ZZZ3: variants seen among roughly 807,000 people sequenced by gnomAD.
The protein encoded by ZZZ3 is ZZ-type zinc finger-containing protein 3.
A neutral mutation model predicts 95.2 loss-of-function variants in ZZZ3; 22 were observed. That is an observed-to-expected ratio of 0.23 (90% confidence interval 0.17 to 0.33). The LOEUF (loss-of-function observed/expected upper bound fraction) is 0.33, where lower values mean the gene tolerates loss of function less well. ZZZ3 is among the 10% of genes least tolerant of loss of function. ZZZ3 has a pLI of 1.00. For synonymous variants in ZZZ3, 335 were observed against 358.9 expected (o/e 0.93, Z 0.75); for missense variants, 885 against 1,066.5 (o/e 0.83, Z 2.37).
At position 77,571,016 on chromosome 1, in the gene ZZZ3, T is replaced by C. The variant is rs185882513; in HGVS notation, c.2332-2550A>G. Among the ~76,000 whole-genome samples the C allele has an allele frequency of 4.9e-3, 738 of 152,090 alleles. 4 individuals carry two copies. Among genetic ancestry groups the C allele is most frequent in the Middle Eastern group, 0.014 (4 of 294 alleles). Reference sequence around the variant, plus strand: ...GTCAACTAAAGATGTTTGATGATTGTTATTACCATACTATGTCACCACTGA... The same window carrying C: ...GTCAACTAAAGATGTTTGATGATTGCTATTACCATACTATGTCACCACTGA... On this transcript the variant is annotated intron_variant, in intron 12 of 14. Coordinates refer to ENST00000370801, the MANE Select transcript of ZZZ3 (RefSeq NM_015534.6).
intron 1 of ZZZ3, among the ~76,000 whole-genome samples, chr1:77,657,900 T>C (rs889003715): frequency 1.3e-5 from 2 of 151,348 alleles, no homozygotes; most frequent in African/African-American, 4.9e-5. Context: ...AGTGTAGGTC[T>C]GGGTGCGGTG....
chr1:77,598,766 G>A (rs1664451454), intron 5 of ZZZ3, among the ~76,000 whole-genome samples: 1 of 152,204 alleles, frequency 6.6e-6, no homozygotes, highest in Middle Eastern at 3.4e-3. Context: ...AGATTTATTC[G>A]AAATACCTTT....
At chr1:77,584,740 T>G in intron 5 of ZZZ3, 85 bp from the exon 6 acceptor site, 1 of 1,108,548 alleles carries the variant, frequency 9.0e-7, no homozygotes, top group African/African-American at 1.6e-5. Context: ...GATCTACTAT[T>G]AAGTCACACA....
chr1:77,650,667 A>G (rs1033453666), intron 1 of ZZZ3, among the ~76,000 whole-genome samples: 13 of 145,958 alleles, frequency 8.9e-5, no homozygotes, highest in Middle Eastern at 3.5e-3. Flanking sequence ...AAGAAACTAG[A>G]AAAAAAAAAA....
intron 5 of ZZZ3, among the ~76,000 whole-genome samples, chr1:77,621,283 C>T (rs909445198): frequency 2.6e-5 from 4 of 151,648 alleles, no homozygotes; most frequent in African/African-American, 9.7e-5. Flanking sequence ...AGTTCGTGAC[C>T]AGCCTGGGCA....
chr1:77,594,084 T>C (rs1243909890), intron 5 of ZZZ3, among the ~76,000 whole-genome samples: 1 of 152,200 alleles, frequency 6.6e-6, no homozygotes, highest in Admixed American at 6.5e-5. Flanking sequence ...GTCTCCACTT[T>C]CTTCATACAG....
Position 77,663,820 on chromosome 1 carries a change from C to T in ZZZ3, c.-403+18765G>A, listed in dbSNP as rs544836021. On this transcript the variant is annotated intron_variant, in intron 1 of 14. Transcript: ENST00000370801. ...CTGGAGTGCAATGGCGCGATCTTGG[C>T]TCACCGCAACCCTCCACCTCCCGGG... Among the ~76,000 whole-genome samples the T allele has an allele frequency of 2.2e-3, 339 of 151,732 alleles. 1 individual carries two copies. The highest frequency in any genetic ancestry group is 3.6e-3 in the Non-Finnish European group (247 of 67,946).
At chr1:77,584,352 G>A (rs868574478) in intron 6 of ZZZ3, among the ~76,000 whole-genome samples, 165 bp downstream of exon 6, 1 of 152,180 alleles carries the variant, frequency 6.6e-6, no homozygotes, top group African/African-American at 2.4e-5. Flanking sequence ...TGTGCCTGGT[G>A]GAGGTGGAAG....
chr1:77,657,908 G>A (rs1424422459), intron 1 of ZZZ3, among the ~76,000 whole-genome samples: 1 of 128,602 alleles, frequency 7.8e-6, no homozygotes, highest in African/African-American at 2.9e-5. Context: ...TCTGGGTGCG[G>A]TGGCTCATGC....
intron 1 of ZZZ3, among the ~76,000 whole-genome samples, chr1:77,649,674 G>A (rs1241200573): frequency 1.3e-5 from 2 of 152,070 alleles, no homozygotes; most frequent in Non-Finnish European, 2.9e-5. Flanking sequence ...CCTGAGGTCG[G>A]GAGCTTGAGA....
At chr1:77,614,112 A>AT (rs1383470053) in intron 5 of ZZZ3, among the ~76,000 whole-genome samples, 2 of 152,170 alleles carry the variant, frequency 1.3e-5, no homozygotes, top group Non-Finnish European at 1.5e-5. Flanking sequence ...AATGTAAAAT[A>AT]TTTTTTAAAT....
At chr1:77,634,908 G>A (rs940766745) in intron 4 of ZZZ3, among the ~76,000 whole-genome samples, 4 of 152,166 alleles carry the variant, frequency 2.6e-5, no homozygotes, top group African/African-American at 9.7e-5. Context: ...AACTTTGAAT[G>A]AGATGCAGGA....
At chr1:77,639,330 C>T in intron 4 of ZZZ3, 119 bp downstream of exon 4, 4 of 724,828 alleles carry the variant, frequency 5.5e-6, no homozygotes, top group South Asian at 3.1e-5. Context: ...GCCAGCCAAA[C>T]TACAAGTTGC....
Position 77,582,005 on chromosome 1 carries a change from C to A in ZZZ3, c.1766G>T (p.Arg589Ile). The A allele has an allele frequency of 6.2e-7, 1 of 1,607,010 alleles. No homozygotes were observed. The highest frequency in any genetic ancestry group is 2.2e-5 in the East Asian group (1 of 44,816). ...REFKNRKRHTRRVKLVFDKVG... is the reference protein window; with the variant it reads ...REFKNRKRHTIRVKLVFDKVG... The stretch of plus-strand genomic sequence containing the variant: ...TTTATCAAAAACTAGCTTAACTCTT[C>A]TAGTATGTCTTTTACGATTTTTAAA... Residue 589 changes from arginine (R) to isoleucine (I), a missense_variant, in exon 7 of 15, where the codon AGA becomes ATA. Physicochemically the swap from Arg to Ile is moderately conservative, Grantham distance 97. Around this residue, in one of 5 missense-constraint regions of ZZZ3, gnomAD observed 99 missense variants for 119.8 expected, o/e 0.83. Transcript: ENST00000370801.
chr1:77,578,804 T>C lies in ZZZ3; in HGVS notation c.2148A>G (p.Arg716=). The C allele has an allele frequency of 6.4e-7, 1 of 1,569,404 alleles. No homozygotes were observed. The highest frequency in any genetic ancestry group is 8.6e-7 in the Non-Finnish European group (1 of 1,161,528). ...TGGAGTATATATATAAGTTTGGTGT[T>C]CTGCCTGGTACTGGAATGCCAGCTT... ...LTKAGIPVPG[R]TPNLYIYSKK... is the part of the protein sequence containing the mutation. Residue 716 remains arginine, a synonymous_variant, in exon 11 of 15, where the codon AGA becomes AGG. Transcript: ENST00000370801.
Position 77,639,554 on chromosome 1 carries a change from GA to G in ZZZ3, c.-158del. 1 of 1,088,824 alleles carries G rather than the reference GA, an allele frequency of 9.2e-7. No homozygotes were observed. Among genetic ancestry groups the G allele is most frequent in the Non-Finnish European group, 1.3e-6 (1 of 796,604 alleles). 67.4% of individuals were successfully genotyped at this position (1,088,824 alleles called of 1,614,324 possible). On this transcript the variant is annotated 5_prime_UTR_variant, in exon 4 of 15. The change abolishes the stop of an existing upstream ORF in the 5' untranslated region. Transcript: ENST00000370801. Reference sequence around the variant, plus strand: ...ATGGAGCTTAAGCATCAGGGTTTCAGACTCTCTCAGCTTCAGCCATGAAGAA... The same window carrying G: ...ATGGAGCTTAAGCATCAGGGTTTCAGCTCTCTCAGCTTCAGCCATGAAGAA...
At chr1:77,594,710 A>AT (rs886669553) in intron 5 of ZZZ3, among the ~76,000 whole-genome samples, 14 of 152,126 alleles carry the variant, frequency 9.2e-5, no homozygotes, top group African/African-American at 3.4e-4. Flanking sequence ...AAATGAACAC[A>AT]TAAAAAACAA....
chr1:77,588,804 T>C (rs1663364376), intron 5 of ZZZ3, among the ~76,000 whole-genome samples: 1 of 152,232 alleles, frequency 6.6e-6, no homozygotes, highest in East Asian at 1.9e-4. Context: ...ATTAAAATTA[T>C]TTGTTATTTA....
At chr1:77,643,637 T>C (rs1570590281) in intron 1 of ZZZ3, among the ~76,000 whole-genome samples, 1 of 152,218 alleles carries the variant, frequency 6.6e-6, no homozygotes, top group East Asian at 1.9e-4. Flanking sequence ...AGAATTACTT[T>C]TCCTACTTCT....
Sources: gnomAD v4.1 joint callset for allele counts (sites outside exome capture counted in the v4.1 genomes callset) on GRCh38, gnomAD v4.1.1 for gene constraint, gnomAD v4.1.1 regional missense constraint, MANE v1.5 for transcripts, NCBI Gene and HGNC (gene_info 2026-07-23, HGNC 2026-07-21) for gene names.